The following RIMS1 variants were observed in gnomAD, a reference collection of about 807,000 sequenced individuals.
RIMS1 encodes the protein regulating synaptic membrane exocytosis protein 1.
Under a neutral mutation model 214.1 loss-of-function variants are expected in RIMS1, and 83 were observed. The observed-to-expected ratio is 0.39, with a 90% CI of 0.32 to 0.47. RIMS1 has a LOEUF of 0.47. Among genes scored for constraint, RIMS1 ranks in the 20% least tolerant of loss-of-function variants. The probability of loss-of-function intolerance (pLI) is 0.99; values close to 1 mark genes in which losing one functional copy is unlikely to be tolerated. For synonymous variants in RIMS1, 793 were observed against 786.8 expected, an observed-to-expected ratio of 1.01 and a Z score of -0.13; for missense variants, 2,050 against 2,161.8, an observed-to-expected ratio of 0.95 and a Z score of 1.03.
chr6:72,022,479 T>G (rs1375660373), intron 2 of RIMS1, among the ~76,000 whole-genome samples: 2 of 152,358 alleles, frequency 1.3e-5, no homozygotes, highest in Middle Eastern at 3.4e-3. Flanking sequence ...GGTACATTTA[T>G]ATTACATATT....
intron 11 of RIMS1, 26 bp downstream of exon 11, chr6:72,245,887 A>AT: frequency 6.6e-7 from 1 of 1,505,096 alleles, no homozygotes; most frequent in Non-Finnish European, 9.2e-7. Context: ...CTTTGTTATT[A>AT]TAAAAGTATT....
chr6:72,168,953 T>C (rs568455274), intron 4 of RIMS1, among the ~76,000 whole-genome samples: 2 of 152,206 alleles, frequency 1.3e-5, no homozygotes, highest in South Asian at 4.2e-4. Context: ...ACTCTGCAGA[T>C]GGTGTTACTG....
At chr6:72,100,578 G>C (rs2033293897) in intron 4 of RIMS1, among the ~76,000 whole-genome samples, 2 of 147,256 alleles carry the variant, frequency 1.4e-5, no homozygotes, top group South Asian at 4.4e-4. Flanking sequence ...CTTTGTGCCT[G>C]GGAAGATAGG....
chr6:72,336,346 G>A (rs894552934), intron 29 of RIMS1, among the ~76,000 whole-genome samples: 10 of 151,676 alleles, frequency 6.6e-5, no homozygotes, highest in African/African-American at 2.2e-4. Context: ...TCAAATTATG[G>A]TCATCAAAAC....
rs2098838469 is a variant in RIMS1, at chr6:72,402,071, T to C, written c.*1357T>C. On this transcript the variant is annotated 3_prime_UTR_variant, in exon 34 of 34. Transcript: ENST00000521978. ...TGCAGGTGCATTGATATGTTCTCCC[T>C]CCTTTTATGAGTCACTCCACTTTTG... 6.6e-6 allele frequency: 1 copy of C among 152,410 alleles called. No individual in the cohort carries two copies. Among genetic ancestry groups the C allele is most frequent in the Admixed American group, 6.5e-5 (1 of 15,282 alleles). The allele number at this position is 152,410 out of a possible 1,614,324, so 9.4% of individuals were successfully genotyped here.
At chr6:72,235,502 A>C (rs1318955960) in intron 7 of RIMS1, 116 bp from the exon 8 acceptor site, 4 of 642,336 alleles carry the variant, frequency 6.2e-6, no homozygotes, top group Non-Finnish European at 1.1e-5. Context: ...TTCACTTAAC[A>C]TAATGTTCTG....
At chr6:72,395,775 A>G (rs1013972284) in intron 31 of RIMS1, among the ~76,000 whole-genome samples, 1 of 152,004 alleles carries the variant, frequency 6.6e-6, no homozygotes, top group African/African-American at 2.4e-5. Context: ...AAAAGAAAAA[A>G]CAAATATTTA....
chr6:72,227,512 A>C (rs2060561257), intron 6 of RIMS1, among the ~76,000 whole-genome samples: 1 of 151,958 alleles, frequency 6.6e-6, no homozygotes, highest in Admixed American at 6.6e-5. Context: ...TGCTTTGTAG[A>C]GTTGTGTCAT....
intron 2 of RIMS1, among the ~76,000 whole-genome samples, chr6:72,050,502 G>C (rs188167780): frequency 6.6e-6 from 1 of 151,988 alleles, no homozygotes; most frequent in African/African-American, 2.4e-5. Flanking sequence ...GCTCTCTTCC[G>C]TCTCCTCAGT....
chr6:72,330,996 C>T (rs535284374), intron 28 of RIMS1, among the ~76,000 whole-genome samples: 9 of 151,704 alleles, frequency 5.9e-5, no homozygotes, highest in Admixed American at 1.3e-4. Flanking sequence ...TTTCATATAA[C>T]TTAACCCCCT....
intron 1 of RIMS1, among the ~76,000 whole-genome samples, chr6:71,938,691 A>G (rs1312755130): frequency 6.6e-6 from 1 of 152,106 alleles, no homozygotes; most frequent in East Asian, 1.9e-4. Context: ...CACCCCCTGA[A>G]ACATTCCTGC....
intron 2 of RIMS1, among the ~76,000 whole-genome samples, chr6:72,059,506 G>A (rs1827277484): frequency 6.6e-6 from 1 of 152,102 alleles, no homozygotes. Context: ...TGGAATTACA[G>A]GTGTGAGCCA....
intron 33 of RIMS1, 74 bp downstream of exon 33, chr6:72,399,168 CAAAG>C (rs2154458619): frequency 7.8e-7 from 1 of 1,277,540 alleles, no homozygotes; most frequent in East Asian, 2.5e-5. Flanking sequence ...TGGTCAAACA[CAAAG>C]AGAATAAAAT....
chr6:72,035,986 G>C (rs886739161), intron 2 of RIMS1, among the ~76,000 whole-genome samples: 1 of 152,134 alleles, frequency 6.6e-6, no homozygotes, highest in Non-Finnish European at 1.5e-5. Context: ...GAAGTAGGTA[G>C]CTGTTGTATT....
chr6:72,221,127 A>AT (rs2058265471), intron 6 of RIMS1, among the ~76,000 whole-genome samples: 2 of 152,002 alleles, frequency 1.3e-5, no homozygotes, highest in Admixed American at 6.6e-5. Flanking sequence ...TTTAAACGTA[A>AT]TATCTTTATT....
chr6:72,055,860 C>A (rs527426393), intron 2 of RIMS1, among the ~76,000 whole-genome samples: 1 of 152,244 alleles, frequency 6.6e-6, no homozygotes, highest in African/African-American at 2.4e-5. Context: ...TTGGTTATTT[C>A]CCAAAGAACT....
intron 6 of RIMS1, among the ~76,000 whole-genome samples, chr6:72,218,647 TTCTGTTGA>T (rs1326818166): frequency 6.6e-6 from 1 of 152,196 alleles, no homozygotes; most frequent in East Asian, 1.9e-4. Context: ...ATCATGAATC[TTCTGTTGA>T]TGTTTATACT....
chr6:72,390,821 T>C, intron 30 of RIMS1, 85 bp downstream of exon 30: 2 of 1,471,874 alleles, frequency 1.4e-6, no homozygotes, highest in Non-Finnish European at 1.8e-6. Context: ...TGAGTGTTAC[T>C]GTGCAGCTTC....
At chr6:72,003,659 A>T (rs1374104741) in intron 2 of RIMS1, among the ~76,000 whole-genome samples, 1 of 151,918 alleles carries the variant, frequency 6.6e-6, no homozygotes, top group East Asian at 1.9e-4. Context: ...ATAAGAATTT[A>T]CGTAGACTCT....
Sources: gnomAD v4.1 joint callset for allele counts (sites outside exome capture counted in the v4.1 genomes callset) on GRCh38, gnomAD v4.1.1 for gene constraint, MANE v1.5 for transcripts, NCBI Gene and HGNC (gene_info 2026-07-23, HGNC 2026-07-21) for gene names.